KCNN2: variants seen among roughly 807,000 people sequenced by gnomAD.
KCNN2 encodes potassium calcium-activated channel subfamily N member 2.
A neutral mutation model predicts 55.5 loss-of-function variants in KCNN2; 24 were observed. The observed-to-expected ratio is 0.43, with a 90% CI of 0.31 to 0.61. The LOEUF (loss-of-function observed/expected upper bound fraction) is 0.61, where lower values mean the gene tolerates loss of function less well. Ranked by LOEUF, KCNN2 falls within the 20% of genes least tolerant of loss-of-function variation. KCNN2 has a pLI of 0.08. For synonymous variants in KCNN2, 431 were observed against 336.1 expected (o/e 1.28, Z -3.09); for missense variants, 754 against 853.6 (o/e 0.88, Z 1.45).
chr5:114,139,425 T>C (rs1483173918), intron 1 of KCNN2, among the ~76,000 whole-genome samples: 2 of 151,144 alleles, frequency 1.3e-5, no homozygotes, highest in East Asian at 1.9e-4. Context: ...TTTATTTTAA[T>C]TTGCAAAGCA....
At chr5:114,248,373 A>G (rs1435431442) in intron 2 of KCNN2, among the ~76,000 whole-genome samples, 3 of 152,180 alleles carry the variant, frequency 2.0e-5, no homozygotes, top group African/African-American at 7.2e-5. Flanking sequence ...TTTGGGGGGA[A>G]GTTACACAAT....
intron 1 of KCNN2, among the ~76,000 whole-genome samples, chr5:114,136,744 T>C (rs1415985329): frequency 6.6e-6 from 1 of 152,232 alleles, no homozygotes; most frequent in East Asian, 1.9e-4. Context: ...TTAACCTCTC[T>C]GAGCCTCCCT....
intron 1 of KCNN2, among the ~76,000 whole-genome samples, chr5:114,168,409 G>T (rs1021462248): frequency 6.6e-6 from 1 of 151,844 alleles, no homozygotes; most frequent in African/African-American, 2.4e-5. Context: ...ATAAATCTCC[G>T]GTTGGTTAAG....
chr5:114,091,300 T>G (rs2112555496), intron 1 of KCNN2, among the ~76,000 whole-genome samples: 1 of 152,298 alleles, frequency 6.6e-6, no homozygotes, highest in Non-Finnish European at 1.5e-5. Context: ...AGAGCTCTCC[T>G]TGGCACTTTC....
At chr5:114,154,981 A>G (rs543035272) in intron 1 of KCNN2, among the ~76,000 whole-genome samples, 1 of 151,984 alleles carries the variant, frequency 6.6e-6, no homozygotes, top group African/African-American at 2.4e-5. Context: ...TTATTTCATC[A>G]CCCAGGTATT....
chr5:114,343,783 G>A (rs1281019725), intron 2 of KCNN2, among the ~76,000 whole-genome samples: 2 of 152,096 alleles, frequency 1.3e-5, no homozygotes, highest in African/African-American at 4.8e-5. Context: ...GAATCCCTAT[G>A]GTGGATAGAG....
At chr5:114,291,582 T>C (rs1166608902) in intron 2 of KCNN2, among the ~76,000 whole-genome samples, 1 of 152,238 alleles carries the variant, frequency 6.6e-6, no homozygotes, top group African/African-American at 2.4e-5. Flanking sequence ...CCTAATCCAG[T>C]CTATCATTGT....
chr5:114,337,718 C>T (rs868477340), intron 2 of KCNN2, among the ~76,000 whole-genome samples: 50 of 152,176 alleles, frequency 3.3e-4, no homozygotes, highest in Middle Eastern at 3.4e-3. Flanking sequence ...GAAAAAATTC[C>T]CACTCTTGGC....
intron 1 of KCNN2, among the ~76,000 whole-genome samples, chr5:114,089,242 G>C (rs901579): frequency 0.14 from 21,020 of 152,200 alleles, 1,543 homozygotes; most frequent in Middle Eastern, 0.17. Context: ...AACTGCTCAT[G>C]AATGAGCTTG....
intron 2 of KCNN2, among the ~76,000 whole-genome samples, chr5:114,222,935 C>T (rs574065718): frequency 1.3e-4 from 20 of 152,248 alleles, no homozygotes; most frequent in South Asian, 1.0e-3. Context: ...TATATTTAAA[C>T]GCTTAATCTT....
chr5:114,406,964 A>T (rs1435905488), intron 3 of KCNN2, among the ~76,000 whole-genome samples: 1 of 152,094 alleles, frequency 6.6e-6, no homozygotes, highest in Non-Finnish European at 1.5e-5. Flanking sequence ...AAATCACTTT[A>T]CTTCAGAATA....
At chr5:114,469,701 A>G (rs1313044320) in intron 4 of KCNN2, among the ~76,000 whole-genome samples, 2 of 152,208 alleles carry the variant, frequency 1.3e-5, no homozygotes, top group African/African-American at 4.8e-5. Context: ...CACTGGGTGG[A>G]CAATAATATT....
chr5:114,300,590 G>C (rs532048252), intron 2 of KCNN2, among the ~76,000 whole-genome samples: 1 of 152,286 alleles, frequency 6.6e-6, no homozygotes, highest in South Asian at 2.1e-4. Flanking sequence ...AGAATAAGTA[G>C]AAGTTTGATA....
At chr5:114,115,318 T>A (rs1751688923) in intron 1 of KCNN2, among the ~76,000 whole-genome samples, 1 of 152,152 alleles carries the variant, frequency 6.6e-6, no homozygotes, top group African/African-American at 2.4e-5. Flanking sequence ...ATACTAACCA[T>A]TTGTCACCTA....
intron 2 of KCNN2, among the ~76,000 whole-genome samples, chr5:114,391,038 C>G (rs1561603117): frequency 6.6e-6 from 1 of 152,018 alleles, no homozygotes. Context: ...GGATTTTTGA[C>G]CTGTAGATAA....
At chr5:114,061,342 C>A (rs2112510574) in intron 1 of KCNN2, among the ~76,000 whole-genome samples, 1 of 152,274 alleles carries the variant, frequency 6.6e-6, no homozygotes, top group East Asian at 1.9e-4. Flanking sequence ...ATGGTGGTCC[C>A]TTGTATTTGC....
At chr5:114,272,354 AT>A (rs1561549016) in intron 2 of KCNN2, among the ~76,000 whole-genome samples, 2 of 42,664 alleles carry the variant, frequency 4.7e-5, no homozygotes, top group Non-Finnish European at 1.1e-4. Context: ...ATGTATGTAC[AT>A]ACCATATACA....
intron 5 of KCNN2, among the ~76,000 whole-genome samples, chr5:114,479,408 A>G (rs1240107811): frequency 6.6e-6 from 1 of 152,192 alleles, no homozygotes; most frequent in Non-Finnish European, 1.5e-5. Context: ...CCAGATTCAT[A>G]AAGCAAGTAC....
chr5:114,115,518 AAAG>A (rs763634258), intron 1 of KCNN2, among the ~76,000 whole-genome samples: 9 of 152,120 alleles, frequency 5.9e-5, no homozygotes, highest in Non-Finnish European at 1.3e-4. Context: ...ATCTTTCATA[AAAG>A]AAGATGACAT....
Sources: allele counts gnomAD v4.1 joint callset (sites outside exome capture counted in the v4.1 genomes callset), GRCh38; gene constraint gnomAD v4.1.1; transcripts MANE v1.5; gene names NCBI Gene and HGNC (gene_info 2026-07-23, HGNC 2026-07-21).